The following KDM7A variants were observed in gnomAD, a reference collection of about 807,000 sequenced individuals.
KDM7A encodes lysine demethylase 7A.
Under a neutral mutation model 114.8 loss-of-function variants are expected in KDM7A, and 28 were observed. That is an observed-to-expected ratio of 0.24 (90% CI 0.18 to 0.33). The LOEUF is 0.33. Ranked by LOEUF, KDM7A falls within the 10% of genes least tolerant of loss-of-function variation. KDM7A has a pLI of 1.00. For synonymous variants in KDM7A, 423 were observed against 397.8 expected, an observed-to-expected ratio of 1.06 and a Z score of -0.75; for missense variants, 942 against 1,142.5, an observed-to-expected ratio of 0.82 and a Z score of 2.53.
intron 3 of KDM7A, among the ~76,000 whole-genome samples, chr7:140,132,358 G>GT (rs1014276343): frequency 1.3e-5 from 2 of 151,752 alleles, no homozygotes; most frequent in African/African-American, 4.8e-5. Context: ...TTAGGCCAGT[G>GT]TTTTTAACAC....
intron 6 of KDM7A, among the ~76,000 whole-genome samples, chr7:140,126,273 AG>A (rs1468940939): frequency 6.6e-6 from 1 of 152,132 alleles, no homozygotes; most frequent in Admixed American, 6.5e-5. Context: ...CCCAACATTA[AG>A]GCCAGAAGCA....
chr7:140,092,114 G>C (rs752051136), intron 18 of KDM7A, 37 bp from the exon 19 acceptor site: 3 of 1,604,492 alleles, frequency 1.9e-6, no homozygotes, highest in Non-Finnish European at 1.7e-6. Flanking sequence ...TGAATTTTTA[G>C]GGTTTAAATG....
chr7:140,113,234 T>C (rs1159617270), intron 10 of KDM7A, among the ~76,000 whole-genome samples: 1 of 152,238 alleles, frequency 6.6e-6, no homozygotes, highest in East Asian at 1.9e-4. Flanking sequence ...ATATGTTCAT[T>C]TCTTAGTCAA....
chr7:140,118,579 T>TA (rs1468850103), intron 9 of KDM7A, among the ~76,000 whole-genome samples: 1 of 130,030 alleles, frequency 7.7e-6, no homozygotes, highest in African/African-American at 3.1e-5. Flanking sequence ...CTAATTTTTG[T>TA]ATTTTTTTTT....
Position 140,097,605 on chromosome 7 carries a change from T to A in KDM7A, c.1956A>T (p.Arg652Ser). The change falls in exon 15 of 20, where the codon AGA (arginine) becomes AGT (serine). Residue 652 changes from arginine (R) to serine (S), a missense_variant. Around this residue, in one of 4 missense-constraint regions of KDM7A, gnomAD observed 512 missense variants for 576.6 expected, o/e 0.89. Coordinates refer to ENST00000397560, the MANE Select transcript of KDM7A (RefSeq NM_030647.2). ...CAGAAATATCAGAATATCCTGATGA[T>A]CTACTCCTGAGTTCTGATTTCACAC... is the stretch of plus-strand genomic sequence containing the variant. ...FTRVKSELRSRSSGYSDISES... is the reference protein window; with the variant it reads ...FTRVKSELRSSSSGYSDISES... The A allele has an allele frequency of 4.4e-6, 7 of 1,607,968 alleles. No homozygotes were observed. The highest frequency in any genetic ancestry group is 6.0e-6 in the Non-Finnish European group (7 of 1,174,508).
At chr7:140,107,097 T>C (rs1039494935) in intron 11 of KDM7A, among the ~76,000 whole-genome samples, 13 of 152,222 alleles carry the variant, frequency 8.5e-5, no homozygotes, top group Non-Finnish European at 1.5e-4. Context: ...TTGCAACCCC[T>C]GCTCTTTTTT....
At chr7:140,129,679 T>A (rs1247506633) in intron 3 of KDM7A, 26 bp from the exon 4 acceptor site, 1 of 1,533,318 alleles carries the variant, frequency 6.5e-7, no homozygotes, top group Non-Finnish European at 9.0e-7. Flanking sequence ...AGAATAAAAA[T>A]GTCATTTTTA....
At chr7:140,130,992 T>C (rs1239056822) in intron 3 of KDM7A, among the ~76,000 whole-genome samples, 1 of 151,348 alleles carries the variant, frequency 6.6e-6, no homozygotes, top group East Asian at 2.0e-4. Flanking sequence ...TAGCTGGGAC[T>C]ACAGGCGCCC....
At chr7:140,101,907 G>T in intron 12 of KDM7A, 44 bp downstream of exon 12, 1 of 1,313,416 alleles carries the variant, frequency 7.6e-7, no homozygotes, top group Non-Finnish European at 1.1e-6. Flanking sequence ...AGACTTTAAG[G>T]AACAGCCAAG....
At chr7:140,120,695 A>T (rs1473454478) in intron 7 of KDM7A, among the ~76,000 whole-genome samples, 166 bp from the exon 8 acceptor site, 1 of 152,260 alleles carries the variant, frequency 6.6e-6, no homozygotes, top group Non-Finnish European at 1.5e-5. Context: ...TTATTTATTA[A>T]ATGCCTATTA....
intron 2 of KDM7A, among the ~76,000 whole-genome samples, chr7:140,135,449 C>G (rs1331234405): frequency 6.6e-6 from 1 of 152,134 alleles, no homozygotes; most frequent in Non-Finnish European, 1.5e-5. Flanking sequence ...GATCCGCCCA[C>G]CTTGGCCTCC....
chr7:140,159,702 C>T (rs1474692412), intron 1 of KDM7A, among the ~76,000 whole-genome samples: 1 of 152,142 alleles, frequency 6.6e-6, no homozygotes, highest in Non-Finnish European at 1.5e-5. Context: ...ATCCCTGGAA[C>T]AGGCAATGTC....
chr7:140,132,359 T>A (rs1318165843), intron 3 of KDM7A, among the ~76,000 whole-genome samples: 1 of 151,808 alleles, frequency 6.6e-6, no homozygotes, highest in East Asian at 1.9e-4. Context: ...TAGGCCAGTG[T>A]TTTTAACACT....
intron 18 of KDM7A, among the ~76,000 whole-genome samples, chr7:140,093,294 G>A (rs1818052737): frequency 6.6e-6 from 1 of 152,152 alleles, no homozygotes; most frequent in Non-Finnish European, 1.5e-5. Context: ...TTATTCATAA[G>A]AGATTTTTCC....
Position 140,088,545 on chromosome 7 carries a change from A to G in KDM7A, c.*2549T>C. The stretch of plus-strand genomic sequence containing the variant: ...CCCAGGTACTCGCAGCAGCTACCAC[A>G]AAGTTCAGCCATTTCCATGAGATAA... On this transcript the variant is annotated 3_prime_UTR_variant, in exon 20 of 20. Coordinates refer to ENST00000397560, the MANE Select transcript of KDM7A (RefSeq NM_030647.2). The G allele has an allele frequency of 2.5e-6, 1 of 398,364 alleles. No individual in the cohort carries two copies. The highest frequency in any genetic ancestry group is 4.4e-6 in the Non-Finnish European group (1 of 225,842). The allele number at this position is 398,364 out of a possible 1,614,324, so 24.7% of individuals were successfully genotyped here.
At chr7:140,100,717 T>TATATATATATATATATATAC (rs1562946078) in intron 12 of KDM7A, among the ~76,000 whole-genome samples, 1 of 53,270 alleles carries the variant, frequency 1.9e-5, no homozygotes, top group South Asian at 6.4e-4. Context: ...TACACATATA[T>TATATATATATATATATATAC]ATATATATAT....
chr7:140,130,581 A>G (rs1818768644), intron 3 of KDM7A, among the ~76,000 whole-genome samples: 1 of 151,988 alleles, frequency 6.6e-6, no homozygotes, highest in South Asian at 2.1e-4. Context: ...AGATCTCACC[A>G]TTGCACTCCA....
intron 14 of KDM7A, 104 bp from the exon 15 acceptor site, chr7:140,097,746 A>C (rs1007070998): frequency 3.1e-6 from 2 of 655,412 alleles, no homozygotes; most frequent in Non-Finnish European, 5.6e-6. Flanking sequence ...ATGTCTCTCA[A>C]TCTCTCTTGC....
intron 1 of KDM7A, among the ~76,000 whole-genome samples, chr7:140,166,011 G>A (rs527488125): frequency 6.6e-6 from 1 of 152,164 alleles, no homozygotes; most frequent in Admixed American, 6.5e-5. Flanking sequence ...CTGTTGTAAT[G>A]TTCTATTTTA....
Sources: gnomAD v4.1 joint callset for allele counts (sites outside exome capture counted in the v4.1 genomes callset) on GRCh38, gnomAD v4.1.1 for gene constraint, gnomAD v4.1.1 regional missense constraint, MANE v1.5 for transcripts, NCBI Gene and HGNC (gene_info 2026-07-23, HGNC 2026-07-21) for gene names.